The following DYNC1I1 variants were observed in gnomAD, a reference collection of about 807,000 sequenced individuals.
DYNC1I1 encodes the protein cytoplasmic dynein 1 intermediate chain 1.
Under a neutral mutation model 86.6 loss-of-function variants are expected in DYNC1I1, and 43 were observed. That is an observed-to-expected ratio of 0.50 (90% CI 0.39 to 0.64). The LOEUF is 0.64. Among genes scored for constraint, DYNC1I1 ranks in the 30% least tolerant of loss-of-function variants. DYNC1I1 has a pLI of 0.00. For missense variants in DYNC1I1, 604 were observed against 788.8 expected (o/e 0.77, Z 2.81); for synonymous variants, 262 against 283.7 (o/e 0.92, Z 0.77).
At chr7:95,998,804 GA>G (rs1793936638) in intron 10 of DYNC1I1, among the ~76,000 whole-genome samples, 1 of 152,000 alleles carries the variant, frequency 6.6e-6, no homozygotes, top group Non-Finnish European at 1.5e-5. Context: ...AAAACCAATG[GA>G]TCAGAGAAGC....
intron 7 of DYNC1I1, among the ~76,000 whole-genome samples, chr7:95,979,764 C>T (rs1005902005): frequency 1.3e-5 from 2 of 152,142 alleles, no homozygotes; most frequent in African/African-American, 4.8e-5. Flanking sequence ...GAAGATTCAG[C>T]ATTTTAACAG....
chr7:96,065,884 A>G lies in DYNC1I1; in HGVS notation c.1510-10173A>G, dbSNP rs549138994. ...TATTTCTCTATTTTTTCTATTTTCT[A>G]CTCATTTAATGGTATTCGTCATTCA... On this transcript the variant is annotated intron_variant, in intron 14 of 16. Transcript: ENST00000447467. Among the ~76,000 whole-genome samples the G allele has an allele frequency of 3.3e-5, 5 of 152,074 alleles. No individual in the cohort carries two copies. The South Asian group carries it at 1.0e-3, about 32-fold the overall frequency.
chr7:96,101,305 CTGAAGACTGTTA>C (rs1791132604), downstream of DYNC1I1, among the ~76,000 whole-genome samples: 1 of 152,176 alleles, frequency 6.6e-6, no homozygotes, highest in Admixed American at 6.5e-5. Context: ...ACGCAGGAGA[CTGAAGACTGTTA>C]CCTCAATAAA....
At chr7:95,774,735 G>A (rs929566140) in intron 1 of DYNC1I1, among the ~76,000 whole-genome samples, 1 of 152,160 alleles carries the variant, frequency 6.6e-6, no homozygotes, top group Non-Finnish European at 1.5e-5. Context: ...TTTGATGACA[G>A]TGCTGAGTCA....
rs900548269 is a variant in DYNC1I1 at position 95,976,104 on chromosome 7, G to A, written c.491-1408G>A. Reference sequence around the variant, plus strand: ...GTGTTCTTTTCAAAATTTTAGGTGCGACTTTTCATCTCATAACTGTGACCT... The same window carrying A: ...GTGTTCTTTTCAAAATTTTAGGTGCAACTTTTCATCTCATAACTGTGACCT... On this transcript the variant is annotated intron_variant, in intron 6 of 16. Transcript: ENST00000447467. Among the ~76,000 whole-genome samples, 50 of 152,186 alleles carry A rather than the reference G, an allele frequency of 3.3e-4. 1 individual carries two copies. Among genetic ancestry groups the A allele is most frequent in the African/African-American group, 1.2e-3 (49 of 41,526 alleles).
At position 96,040,537 on chromosome 7, in the gene DYNC1I1, C is replaced by G. The variant is rs146660116; in HGVS notation, c.1509+1116C>G. On this transcript the variant is annotated intron_variant, in intron 14 of 16. Transcript: ENST00000447467. The stretch of plus-strand genomic sequence containing the variant: ...GCTGGTGAGTGTAGCACTCACTGCA[C>G]TGGAGAACAGCAGGGGAAGGACATG... Among the ~76,000 whole-genome samples the G allele has an allele frequency of 1.7e-3, 256 of 152,146 alleles. 1 individual carries two copies. The highest frequency in any genetic ancestry group is 0.01 in the Middle Eastern group (3 of 294).
intron 1 of DYNC1I1, among the ~76,000 whole-genome samples, chr7:95,784,588 ACT>A (rs1180511347): frequency 1.3e-5 from 2 of 151,994 alleles, no homozygotes; most frequent in African/African-American, 4.8e-5. Context: ...GGGCATGAAG[ACT>A]CTGTCTTTGG....
intron 6 of DYNC1I1, among the ~76,000 whole-genome samples, chr7:95,970,094 C>T (rs1009186209): frequency 4.6e-5 from 7 of 152,052 alleles, no homozygotes; most frequent in African/African-American, 1.2e-4. Flanking sequence ...GGACTCCCGG[C>T]GAAGTTGGCA....
At chr7:95,986,023 CGTGTGT>C (rs3138829) in intron 8 of DYNC1I1, among the ~76,000 whole-genome samples, 3,632 of 132,718 alleles carry the variant, frequency 0.027, 179 homozygotes, top group African/African-American at 0.099. Context: ...CCTGGCAGGA[CGTGTGT>C]GTGTGTGTGT....
intron 13 of DYNC1I1, 105 bp downstream of exon 13, chr7:96,035,857 A>T (rs1794916244): frequency 6.4e-7 from 1 of 1,550,926 alleles, no homozygotes. Context: ...CATCTCTGGA[A>T]AAATGGAAAG....
intron 5 of DYNC1I1, among the ~76,000 whole-genome samples, chr7:95,862,562 G>A (rs977705956): frequency 1.3e-5 from 2 of 152,170 alleles, no homozygotes; most frequent in Non-Finnish European, 2.9e-5. Context: ...AAAAGTTGAG[G>A]AGGTTGTAAA....
intron 4 of DYNC1I1, among the ~76,000 whole-genome samples, chr7:95,815,047 G>C (rs1040637267): frequency 2.6e-5 from 4 of 152,024 alleles, no homozygotes; most frequent in Non-Finnish European, 2.9e-5. Context: ...GTACCATGAT[G>C]GTGCGTGTCA....
chr7:96,016,752 G>T (rs1794411844), intron 10 of DYNC1I1, among the ~76,000 whole-genome samples: 1 of 152,078 alleles, frequency 6.6e-6, no homozygotes, highest in Non-Finnish European at 1.5e-5. Flanking sequence ...TGCTTGCTCT[G>T]TCAAGAAAGA....
In DYNC1I1 at chr7:95,966,361, A is replaced by T. The variant is rs561288246; in HGVS notation, c.491-11151A>T. Among the ~76,000 whole-genome samples, 5 of 152,334 alleles carry T rather than the reference A, an allele frequency of 3.3e-5. No individual in the cohort carries two copies. The South Asian group carries it at 1.0e-3, about 32-fold the overall frequency. On this transcript the variant is annotated intron_variant, in intron 6 of 16. Transcript: ENST00000447467. ...AAATAGTCTCATTAATCTTTGCCTC[A>T]GATACAAAGTCTTCCTCTAAATCTT...
At chr7:95,994,163 A>G (rs1050195902) in intron 9 of DYNC1I1, among the ~76,000 whole-genome samples, 6 of 152,192 alleles carry the variant, frequency 3.9e-5, no homozygotes, top group Admixed American at 3.9e-4. Context: ...TGATATATAA[A>G]GCCTTTCTAT....
At chr7:95,844,899 C>T (rs971025970) in intron 5 of DYNC1I1, among the ~76,000 whole-genome samples, 2 of 152,114 alleles carry the variant, frequency 1.3e-5, no homozygotes, top group African/African-American at 4.8e-5. Context: ...AGAATTCAGG[C>T]CCCTCTCATT....
chr7:96,100,512 C>T (rs1025508197), downstream of DYNC1I1, among the ~76,000 whole-genome samples: 2 of 152,086 alleles, frequency 1.3e-5, no homozygotes, highest in Non-Finnish European at 2.9e-5. Flanking sequence ...AACAAAGAAA[C>T]TACCTCAAAA....
chr7:96,076,810 ATG>A (rs1419589466), intron 15 of DYNC1I1, among the ~76,000 whole-genome samples: 1 of 152,228 alleles, frequency 6.6e-6, no homozygotes, highest in Non-Finnish European at 1.5e-5. Context: ...AGATTTTAAC[ATG>A]TCACATTTAC....
chr7:96,056,851 A>G (rs1419683091), intron 14 of DYNC1I1, among the ~76,000 whole-genome samples: 2 of 152,212 alleles, frequency 1.3e-5, no homozygotes, highest in Non-Finnish European at 2.9e-5. Flanking sequence ...CATATATGGC[A>G]TGTGAAGTTT....
Sources: gnomAD v4.1 joint callset for allele counts (sites outside exome capture counted in the v4.1 genomes callset) on GRCh38, gnomAD v4.1.1 for gene constraint, MANE v1.5 for transcripts, NCBI Gene and HGNC (gene_info 2026-07-23, HGNC 2026-07-21) for gene names.